TMEFF2: variants seen among roughly 807,000 people sequenced by gnomAD.
TMEFF2 encodes transmembrane protein with EGF like and two follistatin like domains 2.
A neutral mutation model predicts 53.8 loss-of-function variants in TMEFF2; 28 were observed. The observed-to-expected ratio is 0.52, with a 90% CI of 0.39 to 0.71. The LOEUF is 0.71. TMEFF2 is among the 30% of genes least tolerant of loss of function. The pLI is 0.00. For synonymous variants in TMEFF2, 162 were observed against 166.3 expected (o/e 0.97, Z 0.20); for missense variants, 353 against 455.2 (o/e 0.78, Z 2.04).
chr2:192,142,713 C>T (rs369821212), intron 4 of TMEFF2, among the ~76,000 whole-genome samples: 65 of 152,190 alleles, frequency 4.3e-4, no homozygotes, highest in East Asian at 9.7e-4. Flanking sequence ...ATCTATGAAA[C>T]GCAGACTATA....
chr2:191,979,842 C>CTCTATCTATCGATCTATCTATCTA (rs1553509620), intron 7 of TMEFF2, among the ~76,000 whole-genome samples: 3 of 147,252 alleles, frequency 2.0e-5, no homozygotes, highest in African/African-American at 8.0e-5. Flanking sequence ...CTATATATAT[C>CTCTATCTATCGATCTATCTATCTA]TCTATCTATC....
chr2:191,985,624 A>G (rs181573063), intron 7 of TMEFF2, among the ~76,000 whole-genome samples: 56 of 152,368 alleles, frequency 3.7e-4, no homozygotes, highest in African/African-American at 1.1e-3. Context: ...TAAAAGAGCA[A>G]TGGTGCACAT....
chr2:192,088,383 G>A (rs1688714473), intron 4 of TMEFF2, among the ~76,000 whole-genome samples: 1 of 152,030 alleles, frequency 6.6e-6, no homozygotes, highest in African/African-American at 2.4e-5. Context: ...ATATGCGGTC[G>A]ATGGATTTTT....
At chr2:192,126,123 T>C (rs976776541) in intron 4 of TMEFF2, among the ~76,000 whole-genome samples, 23 of 152,200 alleles carry the variant, frequency 1.5e-4, no homozygotes, top group African/African-American at 5.5e-4. Context: ...GATTCAGATA[T>C]TTGAAAAAGA....
intron 2 of TMEFF2, among the ~76,000 whole-genome samples, chr2:192,185,333 C>T (rs1051841598): frequency 1.3e-5 from 2 of 151,940 alleles, no homozygotes; most frequent in Non-Finnish European, 2.9e-5. Flanking sequence ...CTGCTAATTA[C>T]ACCAGGGATG....
chr2:192,025,376 G>GTT (rs5837273), intron 5 of TMEFF2, among the ~76,000 whole-genome samples: 3,943 of 146,066 alleles, frequency 0.027, 69 homozygotes, highest in South Asian at 0.054. Flanking sequence ...TAACAGAAGG[G>GTT]TTTTTTTTTT....
At chr2:191,998,463 A>G (rs1314722516) in intron 6 of TMEFF2, 142 bp from the exon 7 acceptor site, 2 of 501,272 alleles carry the variant, frequency 4.0e-6, no homozygotes, top group Non-Finnish European at 6.9e-6. Context: ...GCATCATACT[A>G]AGACAGATTT....
At chr2:191,973,464 T>A (rs4267465) in intron 7 of TMEFF2, among the ~76,000 whole-genome samples, 1 of 95,924 alleles carries the variant, frequency 1.0e-5, no homozygotes, top group Non-Finnish European at 2.6e-5. Flanking sequence ...CATATGCATA[T>A]ATATACCTAT....
At chr2:192,171,728 T>A (rs964750000) in intron 4 of TMEFF2, among the ~76,000 whole-genome samples, 11 of 151,966 alleles carry the variant, frequency 7.2e-5, no homozygotes, top group Admixed American at 7.2e-4. Context: ...CTTCATTCCC[T>A]CCTGATCCTT....
intron 4 of TMEFF2, among the ~76,000 whole-genome samples, chr2:192,088,746 C>G (rs1165570308): frequency 6.6e-6 from 1 of 152,038 alleles, no homozygotes; most frequent in Non-Finnish European, 1.5e-5. Flanking sequence ...AAATTGGTTT[C>G]TTTTCTTCTG....
At chr2:192,190,648 C>T (rs558011256) in intron 2 of TMEFF2, among the ~76,000 whole-genome samples, 5 of 152,220 alleles carry the variant, frequency 3.3e-5, no homozygotes, top group South Asian at 2.1e-4. Flanking sequence ...GGAGGTGGTG[C>T]ACTTTACAAA....
At chr2:192,023,002 TTA>T (rs1686891264) in intron 5 of TMEFF2, among the ~76,000 whole-genome samples, 1 of 151,910 alleles carries the variant, frequency 6.6e-6, no homozygotes, top group Non-Finnish European at 1.5e-5. Context: ...GAAGATTTTT[TTA>T]TCTTTTTTTT....
intron 4 of TMEFF2, among the ~76,000 whole-genome samples, chr2:192,106,516 A>G (rs1406883131): frequency 6.6e-6 from 1 of 151,782 alleles, no homozygotes; most frequent in East Asian, 1.9e-4. Context: ...CACTTAGCCT[A>G]CACTGTTTTC....
At chr2:192,100,390 C>T (rs907736983) in intron 4 of TMEFF2, among the ~76,000 whole-genome samples, 3 of 152,062 alleles carry the variant, frequency 2.0e-5, no homozygotes, top group Non-Finnish European at 4.4e-5. Flanking sequence ...TCACTGTGAC[C>T]GAAGTCTTCT....
intron 9 of TMEFF2, among the ~76,000 whole-genome samples, chr2:191,952,919 A>C (rs1021363949): frequency 1.3e-5 from 2 of 152,252 alleles, no homozygotes; most frequent in Admixed American, 6.5e-5. Flanking sequence ...GAAGAGTGAA[A>C]TCAAGTCAGT....
At chr2:192,187,676 T>A (rs1691348084) in intron 2 of TMEFF2, among the ~76,000 whole-genome samples, 1 of 152,190 alleles carries the variant, frequency 6.6e-6, no homozygotes, top group Non-Finnish European at 1.5e-5. Flanking sequence ...ACAAACTTCC[T>A]CTCAGGGGAG....
chr2:192,113,944 T>C (rs1427135508), intron 4 of TMEFF2, among the ~76,000 whole-genome samples: 1 of 152,070 alleles, frequency 6.6e-6, no homozygotes, highest in Non-Finnish European at 1.5e-5. Flanking sequence ...TTAAATCTCT[T>C]TTACTTCAAA....
At chr2:191,958,731 A>G (rs1692179719) in intron 7 of TMEFF2, among the ~76,000 whole-genome samples, 1 of 152,228 alleles carries the variant, frequency 6.6e-6, no homozygotes, top group African/African-American at 2.4e-5. Flanking sequence ...ACTATTCCTT[A>G]TGAGCTTGGA....
chr2:192,134,606 C>T (rs1324938120), intron 4 of TMEFF2, among the ~76,000 whole-genome samples: 1 of 152,220 alleles, frequency 6.6e-6, no homozygotes, highest in African/African-American at 2.4e-5. Context: ...CCCTTCCCTA[C>T]ACTTCAAGCT....
Sources: allele counts gnomAD v4.1 joint callset (sites outside exome capture counted in the v4.1 genomes callset), GRCh38; gene constraint gnomAD v4.1.1; transcripts MANE v1.5; gene names NCBI Gene and HGNC (gene_info 2026-07-23, HGNC 2026-07-21).